NRXN3: variants seen among roughly 807,000 people sequenced by gnomAD.
NRXN3 encodes neurexin III.
Under a neutral mutation model 137.6 loss-of-function variants are expected in NRXN3, and 32 were observed. The ratio of observed to expected loss-of-function variants is 0.23; its 90% confidence interval spans 0.18 to 0.31. The LOEUF (loss-of-function observed/expected upper bound fraction) is 0.31, where lower values mean the gene tolerates loss of function less well. Ranked by LOEUF, NRXN3 falls within the 10% of genes least tolerant of loss-of-function variation. The probability of loss-of-function intolerance (pLI) is 1.00; values close to 1 mark genes in which losing one functional copy is unlikely to be tolerated. For missense variants in NRXN3, 1,574 were observed against 2,062.5 expected, an observed-to-expected ratio of 0.76 and a Z score of 4.59; for synonymous variants, 798 against 784.5, an observed-to-expected ratio of 1.02 and a Z score of -0.29.
At position 78,563,115 on chromosome 14, in the gene NRXN3, G is replaced by A. The variant is rs138197923; in HGVS notation, c.758-82005G>A. Among the ~76,000 whole-genome samples, 633 of 152,268 alleles carry A rather than the reference G, an allele frequency of 4.2e-3. 9 individuals are homozygous for A. Among genetic ancestry groups the A allele is most frequent in the African/African-American group, 0.014 (597 of 41,540 alleles). On this transcript the variant is annotated intron_variant, in intron 4 of 20. Transcript: ENST00000335750. Reference sequence around the variant, plus strand: ...ATGTGACCAAGGCTTCTCACAGGATGGCAACTGGGTTCCAAGAAGGGCTAT... The same window carrying A: ...ATGTGACCAAGGCTTCTCACAGGATAGCAACTGGGTTCCAAGAAGGGCTAT...
At chr14:79,271,941 G>A (rs1373106454) in intron 15 of NRXN3, among the ~76,000 whole-genome samples, 1 of 152,170 alleles carries the variant, frequency 6.6e-6, no homozygotes, top group African/African-American at 2.4e-5. Flanking sequence ...GTACAGTTGA[G>A]GAAGCAGGCT....
chr14:79,755,639 C>G (rs76338049), intron 19 of NRXN3, among the ~76,000 whole-genome samples: 1 of 151,586 alleles, frequency 6.6e-6, no homozygotes, highest in Non-Finnish European at 1.5e-5. Flanking sequence ...AGCAATGTCT[C>G]TATGATCATA....
chr14:79,765,763 A>G (rs1467734882), intron 19 of NRXN3, among the ~76,000 whole-genome samples: 1 of 152,216 alleles, frequency 6.6e-6, no homozygotes. Flanking sequence ...CATTCTGTCC[A>G]GGAACTCATC....
chr14:78,838,565 A>G (rs1477362), intron 10 of NRXN3, among the ~76,000 whole-genome samples: 1 of 152,124 alleles, frequency 6.6e-6, no homozygotes, highest in Non-Finnish European at 1.5e-5. Flanking sequence ...TTTCCATCTT[A>G]CAGATGCAGA....
chr14:79,542,372 T>G (rs555137292), intron 16 of NRXN3, among the ~76,000 whole-genome samples: 3 of 152,340 alleles, frequency 2.0e-5, no homozygotes, highest in East Asian at 3.9e-4. Context: ...CAGACTGTCC[T>G]GTAAGACCCA....
intron 20 of NRXN3, among the ~76,000 whole-genome samples, chr14:79,856,268 G>A (rs997303482): frequency 6.6e-5 from 10 of 151,974 alleles, no homozygotes; most frequent in East Asian, 3.9e-4. Flanking sequence ...ATTTTTTCCC[G>A]AAGGTTGATA....
chr14:78,534,887 T>G (rs1466482860), intron 4 of NRXN3, among the ~76,000 whole-genome samples: 7 of 152,230 alleles, frequency 4.6e-5, no homozygotes, highest in Admixed American at 6.5e-5. Flanking sequence ...ATATGTACTT[T>G]TAGTGATAAT....
At chr14:78,489,720 T>C (rs978969771) in intron 4 of NRXN3, among the ~76,000 whole-genome samples, 12 of 151,952 alleles carry the variant, frequency 7.9e-5, no homozygotes, top group Non-Finnish European at 1.6e-4. Context: ...AGGAAATTTG[T>C]GATTTTGGAA....
At chr14:78,358,875 A>G (rs1217847277) in intron 4 of NRXN3, among the ~76,000 whole-genome samples, 1 of 152,226 alleles carries the variant, frequency 6.6e-6, no homozygotes, top group Non-Finnish European at 1.5e-5. Context: ...GGAAGAATGC[A>G]TCTGGTAGAG....
intron 4 of NRXN3, among the ~76,000 whole-genome samples, chr14:78,480,212 A>G (rs1379303414): frequency 1.3e-5 from 2 of 152,186 alleles, no homozygotes; most frequent in African/African-American, 4.8e-5. Context: ...ATATTATAAC[A>G]ACAGACTCAC....
chr14:78,410,754 A>G (rs1162664942), intron 4 of NRXN3, among the ~76,000 whole-genome samples: 2 of 152,236 alleles, frequency 1.3e-5, no homozygotes, highest in African/African-American at 2.4e-5. Context: ...AGGATGATGA[A>G]GAAAAGACAA....
chr14:78,705,207 C>T (rs1309214241), intron 6 of NRXN3, among the ~76,000 whole-genome samples: 1 of 152,226 alleles, frequency 6.6e-6, no homozygotes, highest in Non-Finnish European at 1.5e-5. Context: ...TGCTTTCTGT[C>T]ATTTGATGCC....
At chr14:79,427,279 G>A (rs61993136) in intron 15 of NRXN3, among the ~76,000 whole-genome samples, 1 of 152,308 alleles carries the variant, frequency 6.6e-6, no homozygotes, top group East Asian at 1.9e-4. Flanking sequence ...ACTTTAGGTA[G>A]CCGTCTGAAT....
At chr14:79,370,465 T>C (rs935314073) in intron 15 of NRXN3, among the ~76,000 whole-genome samples, 3 of 151,902 alleles carry the variant, frequency 2.0e-5, no homozygotes, top group Non-Finnish European at 4.4e-5. Flanking sequence ...ATTACAGGCA[T>C]GCGCTACCAT....
chr14:79,455,035 T>A (rs1194632880), intron 15 of NRXN3, among the ~76,000 whole-genome samples: 1 of 152,230 alleles, frequency 6.6e-6, no homozygotes, highest in Non-Finnish European at 1.5e-5. Context: ...TAAGATTATG[T>A]TGGATTTACA....
chr14:79,243,943 C>T (rs2074749473), intron 15 of NRXN3, among the ~76,000 whole-genome samples: 1 of 152,122 alleles, frequency 6.6e-6, no homozygotes, highest in African/African-American at 2.4e-5. Flanking sequence ...CAGCTTTTAG[C>T]AGATATGCCA....
chr14:79,024,546 G>T (rs1395398309), intron 15 of NRXN3, among the ~76,000 whole-genome samples: 1 of 152,096 alleles, frequency 6.6e-6, no homozygotes, highest in Non-Finnish European at 1.5e-5. Flanking sequence ...AGTATAAATA[G>T]AAATGGGTAA....
At chr14:79,091,784 A>G (rs1413889077) in intron 15 of NRXN3, among the ~76,000 whole-genome samples, 1 of 152,104 alleles carries the variant, frequency 6.6e-6, no homozygotes, top group Non-Finnish European at 1.5e-5. Context: ...GTAAGGTGGC[A>G]CCATTTACCA....
chr14:78,617,520 G>C (rs564161145), intron 4 of NRXN3, among the ~76,000 whole-genome samples: 1 of 152,286 alleles, frequency 6.6e-6, no homozygotes, highest in Non-Finnish European at 1.5e-5. Context: ...CAAAACCCAG[G>C]TTGAATCCCT....
Sources: gnomAD v4.1 joint callset for allele counts (sites outside exome capture counted in the v4.1 genomes callset) on GRCh38, gnomAD v4.1.1 for gene constraint, MANE v1.5 for transcripts, NCBI Gene and HGNC (gene_info 2026-07-23, HGNC 2026-07-21) for gene names.